The following GRM1 variants were observed in gnomAD, a reference collection of about 807,000 sequenced individuals.
GRM1 encodes glutamate metabotropic receptor 1.
Under a neutral mutation model 90.9 loss-of-function variants are expected in GRM1, and 33 were observed. The observed-to-expected ratio is 0.36, with a 90% CI of 0.28 to 0.49. The LOEUF is 0.49. GRM1 is among the 20% of genes least tolerant of loss of function. The pLI, the probability that GRM1 is intolerant of heterozygous loss-of-function variation, is 0.99. For missense variants in GRM1, 1,190 were observed against 1,534.3 expected (o/e 0.78, Z 3.75); for synonymous variants, 700 against 613.2 (o/e 1.14, Z -2.09).
At position 146,126,945 on chromosome 6, in the gene GRM1, G is replaced by A. The variant is rs570512956; in HGVS notation, c.701-32403G>A. On this transcript the variant is annotated intron_variant, in intron 1 of 7. Coordinates refer to ENST00000282753, the MANE Select transcript of GRM1 (RefSeq NM_001278064.2). ...GATTCAAGGTTGTTAGGTATGATTT[G>A]GAGAGCCTTTTAAAATAAAAATATA... Among the ~76,000 whole-genome samples, 17 of 152,126 alleles carry A rather than the reference G, an allele frequency of 1.1e-4. No homozygotes were observed. In the South Asian group the frequency reaches 3.5e-3, roughly 32 times the overall value.
rs187968605 is a variant in GRM1 at position 146,159,457 on chromosome 6, T to C, written c.810T>C (p.Phe270=). Residue 270 remains phenylalanine, a synonymous_variant, in exon 2 of 8, where the codon TTT becomes TTC. Transcript: ENST00000282753. ...KIYSNAGEKS[F]DRLLRKLRER... ...ACAGCAACGCTGGGGAGAAGAGCTT[T>C]GACCGACTCTTGCGCAAACTCCGAG... is the stretch of plus-strand genomic sequence containing the variant. 4 of 1,614,226 alleles carry C rather than the reference T, an allele frequency of 2.5e-6. No homozygotes were observed. The East Asian group carries it at 8.9e-5, about 36-fold the overall frequency.
chr6:146,221,780 A>G (rs1250076292), intron 2 of GRM1, among the ~76,000 whole-genome samples: 2 of 152,160 alleles, frequency 1.3e-5, no homozygotes, highest in Non-Finnish European at 2.9e-5. Context: ...TCTCTGTCAC[A>G]ACTACTAAAC....
At chr6:146,122,839 C>CTTTTTTTTTTTTTTTTTTTTT (rs57859188) in intron 1 of GRM1, among the ~76,000 whole-genome samples, 10 of 62,200 alleles carry the variant, frequency 1.6e-4, no homozygotes, top group African/African-American at 4.0e-4. Flanking sequence ...TCTTTTCTTT[C>CTTTTTTTTTTTTTTTTTTTTT]TTTTTTTTTT....
chr6:146,203,934 C>T (rs1779406652), intron 2 of GRM1, among the ~76,000 whole-genome samples: 1 of 152,170 alleles, frequency 6.6e-6, no homozygotes, highest in African/African-American at 2.4e-5. Context: ...AAAATCTTTT[C>T]AAATAAAAAG....
intron 3 of GRM1, among the ~76,000 whole-genome samples, chr6:146,326,863 T>A (rs1485864901): frequency 6.6e-6 from 1 of 152,078 alleles, no homozygotes; most frequent in Admixed American, 6.6e-5. Flanking sequence ...TGACTAGGGG[T>A]TGTTGAGTGA....
intron 2 of GRM1, among the ~76,000 whole-genome samples, chr6:146,273,352 C>T (rs994472767): frequency 4.5e-4 from 69 of 151,866 alleles, no homozygotes; most frequent in African/African-American, 1.5e-3. Flanking sequence ...CATGCCCCAG[C>T]GGAGAAGGAG....
At chr6:146,341,377 C>G (rs1218111564) in intron 3 of GRM1, among the ~76,000 whole-genome samples, 2 of 152,180 alleles carry the variant, frequency 1.3e-5, no homozygotes, top group African/African-American at 4.8e-5. Context: ...CCTATTTCAT[C>G]TAAATTCCAA....
intron 2 of GRM1, among the ~76,000 whole-genome samples, chr6:146,209,594 A>C (rs1172191111): frequency 6.6e-6 from 1 of 152,166 alleles, no homozygotes; most frequent in Non-Finnish European, 1.5e-5. Flanking sequence ...GATTCATGGA[A>C]AATGGTTTGG....
chr6:146,117,715 C>T (rs1775807903), intron 1 of GRM1, among the ~76,000 whole-genome samples: 1 of 151,854 alleles, frequency 6.6e-6, no homozygotes, highest in Non-Finnish European at 1.5e-5. Flanking sequence ...CTGAGTTTTC[C>T]TATCAGTTTC....
At chr6:146,118,507 A>G (rs1355430199) in intron 1 of GRM1, among the ~76,000 whole-genome samples, 1 of 152,164 alleles carries the variant, frequency 6.6e-6, no homozygotes, top group Non-Finnish European at 1.5e-5. Context: ...TTACATACGT[A>G]TATATGTGCC....
chr6:146,424,027 G>A (rs777195382), intron 7 of GRM1, among the ~76,000 whole-genome samples: 2 of 152,130 alleles, frequency 1.3e-5, no homozygotes, highest in Admixed American at 6.6e-5. Flanking sequence ...CAGCCCACAG[G>A]CTGCCAGGTT....
intron 2 of GRM1, among the ~76,000 whole-genome samples, chr6:146,300,387 G>T (rs1481318844): frequency 6.6e-6 from 1 of 152,098 alleles, no homozygotes; most frequent in Non-Finnish European, 1.5e-5. Context: ...AGCAGAAATG[G>T]TATTTTCCTG....
intron 2 of GRM1, among the ~76,000 whole-genome samples, chr6:146,164,155 T>C (rs999671401): frequency 6.6e-6 from 1 of 152,140 alleles, no homozygotes; most frequent in African/African-American, 2.4e-5. Context: ...CTACCATTTA[T>C]TGAGGGTTTG....
At chr6:146,109,826 G>T (rs1368959516) in intron 1 of GRM1, among the ~76,000 whole-genome samples, 2 of 152,236 alleles carry the variant, frequency 1.3e-5, no homozygotes, top group Admixed American at 6.5e-5. Context: ...GCGTGATCTG[G>T]ATGAGAGACA....
chr6:146,187,927 T>C (rs1382136722), intron 2 of GRM1, among the ~76,000 whole-genome samples: 1 of 152,080 alleles, frequency 6.6e-6, no homozygotes, highest in African/African-American at 2.4e-5. Flanking sequence ...GTTTATTTAT[T>C]ATTATTTATG....
At chr6:146,143,465 T>A (rs1776972083) in intron 1 of GRM1, among the ~76,000 whole-genome samples, 1 of 152,184 alleles carries the variant, frequency 6.6e-6, no homozygotes, top group Admixed American at 6.5e-5. Context: ...TGCTGGGCAG[T>A]ATGTCTTTCT....
rs56956724 is a variant in GRM1 at position 146,260,804 on chromosome 6, G to GTTTTTTTTTTTTTTTTTTTTT, written c.951-43794_951-43774dup. 1.8e-4 allele frequency among the ~76,000 whole-genome samples: 4 copies of GTTTTTTTTTTTTTTTTTTTTT among 22,712 alleles called. 1 individual carries two copies. The highest frequency in any genetic ancestry group is 6.8e-4 in the African/African-American group (4 of 5,898). The allele number at this position is 22,712 out of a possible 152,430, so 14.9% of individuals were successfully genotyped here. ...CCCATTTTTTAATTAGGTTATTTGG[G>GTTTTTTTTTTTTTTTTTTTTT]TTTTTTTTTTTTTTTTTTTTTTTTT... On this transcript the variant is annotated intron_variant, in intron 2 of 7. Coordinates refer to ENST00000282753, the MANE Select transcript of GRM1 (RefSeq NM_001278064.2).
rs145443517 is a variant in GRM1, at chr6:146,327,890, G to A, written c.1186+23044G>A. ...ACCTAGCTATTTGAAGAGAGATTTC[G>A]ATGGGCGATTTAGGGTCAGTGGACA... is the stretch of plus-strand genomic sequence containing the variant. On this transcript the variant is annotated intron_variant, in intron 3 of 7. Transcript: ENST00000282753. Among the ~76,000 whole-genome samples, 454 of 152,200 alleles carry A rather than the reference G, an allele frequency of 3.0e-3. 2 individuals are homozygous for A. Among genetic ancestry groups the A allele is most frequent in the African/African-American group, 0.01 (427 of 41,550 alleles).
chr6:146,302,464 T>G (rs1161214336), intron 2 of GRM1, among the ~76,000 whole-genome samples: 1 of 151,716 alleles, frequency 6.6e-6, no homozygotes, highest in Non-Finnish European at 1.5e-5. Context: ...CTCAGCTTCC[T>G]GGGCTCACAG....
Sources: allele counts gnomAD v4.1 joint callset (sites outside exome capture counted in the v4.1 genomes callset), GRCh38; gene constraint gnomAD v4.1.1; transcripts MANE v1.5; gene names NCBI Gene and HGNC (gene_info 2026-07-23, HGNC 2026-07-21).